CAV1: variants seen among roughly 807,000 people sequenced by gnomAD.
CAV1 encodes caveolin 1, also known as caveolin-1.
A neutral mutation model predicts 16.5 loss-of-function variants in CAV1; 10 were observed. The observed-to-expected ratio is 0.61, with a 90% CI of 0.37 to 1.03. The LOEUF is 1.03. Ranked by LOEUF, CAV1 falls within the 50% of genes least tolerant of loss-of-function variation. CAV1 has a pLI of 0.01. For missense variants in CAV1, 212 were observed against 232.8 expected (o/e 0.91, Z 0.58); for synonymous variants, 76 against 85.1 (o/e 0.89, Z 0.59).
intron 2 of CAV1, among the ~76,000 whole-genome samples, chr7:116,555,256 A>G (rs1191274566): frequency 1.3e-5 from 2 of 151,848 alleles, no homozygotes; most frequent in African/African-American, 2.4e-5. Context: ...CAGCCTAGGC[A>G]ACATAGTGAG....
chr7:116,526,377 G>C lies in CAV1; in HGVS notation c.31-148G>C, dbSNP rs555040769. On this transcript the variant is annotated intron_variant, in intron 1 of 2. Coordinates refer to ENST00000341049, the MANE Select transcript of CAV1 (RefSeq NM_001753.5). ...GGCGGTTTCTGTGCACGGAGCCGTAGCTGTCGGAGCGGTTAGTTCGATTTC... is the reference window on the plus strand; with the variant it reads ...GGCGGTTTCTGTGCACGGAGCCGTACCTGTCGGAGCGGTTAGTTCGATTTC... 3 of 1,520,398 alleles carry C rather than the reference G, an allele frequency of 2.0e-6. No individual in the cohort carries two copies. In the South Asian group the frequency reaches 3.7e-5, roughly 19 times the overall value. 94.2% of individuals were successfully genotyped at this position (1,520,398 alleles called of 1,614,324 possible).
chr7:116,551,173 G>A (rs958969316), intron 2 of CAV1, among the ~76,000 whole-genome samples: 32 of 152,290 alleles, frequency 2.1e-4, no homozygotes, highest in African/African-American at 7.2e-4. Context: ...TCTGAAATGG[G>A]GCCGGAGAAT....
intron 2 of CAV1, chr7:116,526,911 A>G: frequency 1.7e-6 from 1 of 591,948 alleles, no homozygotes; most frequent in South Asian, 1.9e-5. Flanking sequence ...TAGTTAGTTC[A>G]GCTGAAATTC....
intron 2 of CAV1, among the ~76,000 whole-genome samples, chr7:116,537,661 G>T (rs1793852376): frequency 6.6e-6 from 1 of 152,118 alleles, no homozygotes; most frequent in Non-Finnish European, 1.5e-5. Flanking sequence ...CCACAATATG[G>T]AAAGAGATGA....
intron 2 of CAV1, 115 bp downstream of exon 2, chr7:116,526,804 GCACACA>G: frequency 7.9e-6 from 8 of 1,011,852 alleles, no homozygotes; most frequent in African/African-American, 1.6e-5. Flanking sequence ...CCCTACACGC[GCACACA>G]CACACACACA....
chr7:116,534,888 G>T (rs2115980929), intron 2 of CAV1, among the ~76,000 whole-genome samples: 1 of 152,286 alleles, frequency 6.6e-6, no homozygotes, highest in African/African-American at 2.4e-5. Context: ...ACACAGCAAA[G>T]TTGTAGATGT....
At chr7:116,534,395 A>ATTTTTTTTTTTTTTT (rs1159703159) in intron 2 of CAV1, among the ~76,000 whole-genome samples, 1 of 7,830 alleles carries the variant, frequency 1.3e-4, no homozygotes, top group African/African-American at 3.3e-4. Flanking sequence ...ATATATATAT[A>ATTTTTTTTTTTTTTT]TTTTTTTTTT....
intron 2 of CAV1, among the ~76,000 whole-genome samples, chr7:116,542,477 G>T (rs1793961146): frequency 6.6e-6 from 1 of 152,170 alleles, no homozygotes; most frequent in African/African-American, 2.4e-5. Flanking sequence ...TAGACTCTCA[G>T]AATTTCTTAA....
chr7:116,544,006 A>G (rs1028327863), intron 2 of CAV1, among the ~76,000 whole-genome samples: 5 of 152,114 alleles, frequency 3.3e-5, no homozygotes, highest in African/African-American at 1.2e-4. Flanking sequence ...TAATTCCATC[A>G]CTTAACACCC....
At chr7:116,549,471 C>T (rs1328916710) in intron 2 of CAV1, among the ~76,000 whole-genome samples, 1 of 152,148 alleles carries the variant, frequency 6.6e-6, no homozygotes, top group African/African-American at 2.4e-5. Context: ...AATCAACCTC[C>T]ATTTCATTTT....
intron 2 of CAV1, among the ~76,000 whole-genome samples, chr7:116,533,325 A>C (rs1793720973): frequency 6.7e-6 from 1 of 149,192 alleles, no homozygotes; most frequent in African/African-American, 2.5e-5. Flanking sequence ...TGACACAGCG[A>C]GACTCCGTCT....
At chr7:116,530,770 A>G (rs1793672731) in intron 2 of CAV1, among the ~76,000 whole-genome samples, 1 of 143,766 alleles carries the variant, frequency 7.0e-6, no homozygotes, top group South Asian at 2.2e-4. Context: ...TGATCATAGT[A>G]AAATGCGGAG....
chr7:116,544,976 G>A (rs1362990091), intron 2 of CAV1, among the ~76,000 whole-genome samples: 2 of 152,084 alleles, frequency 1.3e-5, no homozygotes, highest in East Asian at 1.9e-4. Flanking sequence ...AAACGTAGAC[G>A]CTTCATAAAT....
chr7:116,558,279 C>G (rs1466439632), intron 2 of CAV1, among the ~76,000 whole-genome samples: 1 of 152,164 alleles, frequency 6.6e-6, no homozygotes, highest in Non-Finnish European at 1.5e-5. Flanking sequence ...TGCCTCGTAT[C>G]CTTATCCATG....
intron 2 of CAV1, among the ~76,000 whole-genome samples, chr7:116,537,148 A>T (rs1195326115): frequency 2.0e-5 from 3 of 152,232 alleles, no homozygotes; most frequent in Non-Finnish European, 2.9e-5. Context: ...CTGGCAATTA[A>T]AAAACCAAAA....
At chr7:116,554,236 T>C (rs1794219565) in intron 2 of CAV1, among the ~76,000 whole-genome samples, 1 of 152,244 alleles carries the variant, frequency 6.6e-6, no homozygotes, top group South Asian at 2.1e-4. Flanking sequence ...ATTCAGTGCA[T>C]TCTGAATACA....
chr7:116,558,794 A>T (rs79493466), intron 2 of CAV1, 152 bp from the exon 3 acceptor site: 394 of 663,122 alleles, frequency 5.9e-4, no homozygotes, highest in Non-Finnish European at 9.3e-4. Context: ...CCAAGTTCCA[A>T]GTGATGCTGA....
In CAV1 at chr7:116,559,250, T is replaced by C. The variant is rs201966419; in HGVS notation, c.500T>C (p.Phe167Ser). 235 of 1,613,792 alleles carry C rather than the reference T, an allele frequency of 1.5e-4. No individual in the cohort carries two copies. Among genetic ancestry groups the C allele is most frequent in the Non-Finnish European group, 1.7e-4 (198 of 1,179,742 alleles). Residue 167 changes from phenylalanine to serine, a missense_variant, in exon 3 of 3, where the codon TTC (phenylalanine) becomes TCC (serine). Phe to Ser is a radical substitution (Grantham distance 155, BLOSUM62 -2). Transcript: ENST00000341049. ...DPLFEAVGKI[F>S]SNVRINLQKE... The stretch of plus-strand genomic sequence containing the variant: ...CTCTTTGAAGCTGTTGGGAAAATAT[T>C]CAGCAATGTCCGCATCAACTTGCAG...
chr7:116,533,792 T>C (rs1397578584), intron 2 of CAV1, among the ~76,000 whole-genome samples: 25 of 152,250 alleles, frequency 1.6e-4, no homozygotes, highest in Admixed American at 1.6e-3. Context: ...TTTATAAACC[T>C]TAAAATTGTT....
Sources: gnomAD v4.1 joint callset for allele counts (sites outside exome capture counted in the v4.1 genomes callset) on GRCh38, gnomAD v4.1.1 for gene constraint, MANE v1.5 for transcripts, NCBI Gene and HGNC (gene_info 2026-07-23, HGNC 2026-07-21) for gene names.